The following SGO2 variants were observed in gnomAD, a reference collection of about 807,000 sequenced individuals.
SGO2 encodes the protein shugoshin 2, also known as shugoshin-like 2.
In SGO2, 68 loss-of-function variants were observed where a neutral mutation model predicts 99.5. That is an observed-to-expected ratio of 0.68 (90% CI 0.56 to 0.84). The LOEUF (loss-of-function observed/expected upper bound fraction) is 0.84, where lower values mean the gene tolerates loss of function less well. Among genes scored for constraint, SGO2 ranks in the 40% least tolerant of loss-of-function variants. SGO2 has a pLI of 0.00. For missense variants in SGO2, 1,350 were observed against 1,436.7 expected, an observed-to-expected ratio of 0.94 and a Z score of 0.97; for synonymous variants, 457 against 487.1, an observed-to-expected ratio of 0.94 and a Z score of 0.81.
intron 5 of SGO2, among the ~76,000 whole-genome samples, chr2:200,550,303 G>T (rs937295287): frequency 3.9e-5 from 6 of 152,060 alleles, no homozygotes; most frequent in African/African-American, 1.4e-4. Flanking sequence ...AATACAATTT[G>T]TATCAAAATA....
Position 200,541,759 on chromosome 2 carries a change from G to T in SGO2, c.388-820G>T, listed in dbSNP as rs528595743. ...CTGATGGTACTGCTGATTTGGAAGAGAGTTGTCTTATTATAGCCTGGTGAG... is the reference window on the plus strand; with the variant it reads ...CTGATGGTACTGCTGATTTGGAAGATAGTTGTCTTATTATAGCCTGGTGAG... On this transcript the variant is annotated intron_variant, in intron 4 of 8. Transcript: ENST00000357799. 3.3e-5 allele frequency among the ~76,000 whole-genome samples: 5 copies of T among 152,320 alleles called. No individual in the cohort carries two copies. The South Asian group carries it at 1.0e-3, about 32-fold the overall frequency.
rs1207158003 is a variant in SGO2, at chr2:200,571,976, G to C, written c.1630G>C (p.Glu544Gln). ...ACAGACATTTGTGATTCACAAATTA[G>C]AAAAAGATAACTTACTCCCAAACCA... is the stretch of plus-strand genomic sequence containing the variant. ...SRQTFVIHKL[E>Q]KDNLLPNQKD... The change falls in exon 7 of 9, where the codon GAA (glutamate) becomes CAA (glutamine). Residue 544 changes from glutamate to glutamine, a missense_variant. By Grantham distance (29) the Glu-to-Gln change is conservative (BLOSUM62 2). Transcript: ENST00000357799. 6.8e-6 allele frequency: 11 copies of C among 1,608,726 alleles called. No individual in the cohort carries two copies. The highest frequency in any genetic ancestry group is 8.5e-6 in the Non-Finnish European group (10 of 1,178,452).
rs186826096 is a variant in SGO2 at position 200,577,151 on chromosome 2, C to A, written c.3782+1690C>A. On this transcript the variant is annotated intron_variant, in intron 8 of 8. Transcript: ENST00000357799. ...CTGTACCATTTTACATGCTTACCAA[C>A]GATGATGATTTTTAAAAATTTCTCT... Among the ~76,000 whole-genome samples the A allele has an allele frequency of 2.8e-3, 419 of 151,954 alleles. 2 individuals carry two copies. The highest frequency in any genetic ancestry group is 9.5e-3 in the African/African-American group (395 of 41,414).
rs760370698 is a variant in SGO2, at chr2:200,569,770, C to G, written c.581C>G (p.Thr194Arg). The G allele has an allele frequency of 6.2e-6, 10 of 1,612,250 alleles. No homozygotes were observed. In the East Asian group the frequency reaches 1.1e-4, roughly 18 times the overall value. Reference protein sequence around the residue: ...TLPDIPSSGSTTQPLSTQDNS... With the variant: ...TLPDIPSSGSRTQPLSTQDNS... ...CCTGATATTCCCTCTTCAGGATCAA[C>G]AACACAACCTTTATCAACTCAGGAT... Residue 194 changes from threonine (T) to arginine (R), a missense_variant, in exon 6 of 9, where the codon ACA becomes AGA. Coordinates refer to ENST00000357799, the MANE Select transcript of SGO2 (RefSeq NM_152524.6).
At chr2:200,554,600 A>G (rs1317624509) in intron 5 of SGO2, among the ~76,000 whole-genome samples, 1 of 152,206 alleles carries the variant, frequency 6.6e-6, no homozygotes, top group Non-Finnish European at 1.5e-5. Context: ...TATGACACAC[A>G]ACAATTTTAC....
chr2:200,532,769 A>G (rs1474658995), intron 1 of SGO2, among the ~76,000 whole-genome samples: 1 of 152,174 alleles, frequency 6.6e-6, no homozygotes, highest in Non-Finnish European at 1.5e-5. Flanking sequence ...GTAGGCTTAA[A>G]TGAAAAAAAT....
chr2:200,538,766 G>C lies in SGO2; in HGVS notation c.387+2624G>C, dbSNP rs2031821749. 2.0e-5 allele frequency among the ~76,000 whole-genome samples: 3 copies of C among 152,104 alleles called. No homozygotes were observed. In the South Asian group the frequency reaches 6.2e-4, roughly 31 times the overall value. The stretch of plus-strand genomic sequence containing the variant: ...AATGTAAGTATCTTTTTAGTATGAT[G>C]ATGATGTGGTCTTTTTAGGTGGCTT... On this transcript the variant is annotated intron_variant, in intron 4 of 8. Transcript: ENST00000357799.
At chr2:200,548,874 T>G (rs2032349973) in intron 5 of SGO2, among the ~76,000 whole-genome samples, 1 of 152,186 alleles carries the variant, frequency 6.6e-6, no homozygotes, top group South Asian at 2.1e-4. Context: ...ACATATAACC[T>G]ACCAAGATTA....
In SGO2 at chr2:200,572,362, T is replaced by C; in HGVS notation, c.2016T>C (p.Leu672=). ...EVSKELQIPA[L]STRDNENQCD... ...CCAAAGAGCTTCAAATCCCAGCTCT[T>C]TCTACTAGAGATAATGAAAATCAAT... The change falls in exon 7 of 9, where the codon CTT becomes CTC. Residue 672 remains leucine (L), a synonymous_variant. Coordinates refer to ENST00000357799, the MANE Select transcript of SGO2 (RefSeq NM_152524.6). The C allele has an allele frequency of 6.2e-7, 1 of 1,612,786 alleles. No individual in the cohort carries two copies. Among genetic ancestry groups the C allele is most frequent in the South Asian group, 1.1e-5 (1 of 90,700 alleles).
At chr2:200,569,023 C>A (rs2033295378) in intron 5 of SGO2, among the ~76,000 whole-genome samples, 2 of 151,678 alleles carry the variant, frequency 1.3e-5, no homozygotes, top group Non-Finnish European at 2.9e-5. Context: ...TTTTATTTTT[C>A]TTATTATAAA....
rs2033904273 is a variant in SGO2 at position 200,583,533 on chromosome 2, CAAG to C, written c.*74_*76del. ...AGGAATCAAAACAGAAATATAGTAT[CAAG>C]AAGATGAAATGCTTAATGAAAAGGT... On this transcript the variant is annotated 3_prime_UTR_variant, in exon 9 of 9. Coordinates refer to ENST00000357799, the MANE Select transcript of SGO2 (RefSeq NM_152524.6). 2 of 1,377,366 alleles carry C rather than the reference CAAG, an allele frequency of 1.5e-6. No individual in the cohort carries two copies. The highest frequency in any genetic ancestry group is 2.3e-5 in the Admixed American group (1 of 43,488). The allele number at this position is 1,377,366 out of a possible 1,614,324, so 85.3% of individuals were successfully genotyped here.
chr2:200,573,241 C>A lies in SGO2; in HGVS notation c.2895C>A (p.Val965=). The A allele has an allele frequency of 6.3e-7, 1 of 1,590,492 alleles. No individual in the cohort carries two copies. Among genetic ancestry groups the A allele is most frequent in the South Asian group, 1.2e-5 (1 of 85,288 alleles). Residue 965 remains valine (V), a synonymous_variant, in exon 7 of 9, where the codon GTC becomes GTA. Transcript: ENST00000357799. ...QDIINKHYME[V]NSNEKESCDQ... is the part of the protein sequence containing the mutation. ...TTATCAATAAACACTATATGGAAGT[C>A]AACAGTAATGAAAAGGAAAGTTGTG...
chr2:200,536,003 T>G, intron 3 of SGO2, 62 bp from the exon 4 acceptor site: 1 of 1,065,378 alleles, frequency 9.4e-7, no homozygotes, highest in Non-Finnish European at 1.3e-6. Flanking sequence ...CATAAATGCC[T>G]GATATTATAA....
intron 1 of SGO2, among the ~76,000 whole-genome samples, chr2:200,527,590 C>T (rs1256274363): frequency 6.6e-6 from 1 of 152,200 alleles, no homozygotes; most frequent in Non-Finnish European, 1.5e-5. Context: ...TTGACACCTC[C>T]CAACATCTGC....
chr2:200,566,758 C>A (rs2033203616), intron 5 of SGO2, among the ~76,000 whole-genome samples: 3 of 152,222 alleles, frequency 2.0e-5, no homozygotes, highest in African/African-American at 7.2e-5. Context: ...CCTACTCAAG[C>A]CTCAGCAATG....
At chr2:200,548,888 C>T (rs1266698817) in intron 5 of SGO2, among the ~76,000 whole-genome samples, 4 of 151,996 alleles carry the variant, frequency 2.6e-5, no homozygotes, top group Admixed American at 2.0e-4. Flanking sequence ...AAGATTAAAC[C>T]ATAAAGAAAT....
intron 2 of SGO2, 105 bp downstream of exon 2, chr2:200,533,213 C>A: frequency 7.9e-7 from 1 of 1,265,346 alleles, no homozygotes. Flanking sequence ...ACTAAAATGA[C>A]CATTTTGTTA....
In SGO2 at chr2:200,572,380, A is replaced by G. The variant is rs1327440427; in HGVS notation, c.2034A>G (p.Glu678=). 6.2e-7 allele frequency: 1 copy of G among 1,613,456 alleles called. No individual in the cohort carries two copies. The highest frequency in any genetic ancestry group is 8.5e-7 in the Non-Finnish European group (1 of 1,179,588). The change falls in exon 7 of 9, where the codon GAA becomes GAG. Residue 678 remains glutamate (E), a synonymous_variant. Coordinates refer to ENST00000357799, the MANE Select transcript of SGO2 (RefSeq NM_152524.6). ...QIPALSTRDN[E]NQCDYRTQNV... The stretch of plus-strand genomic sequence containing the variant: ...CAGCTCTTTCTACTAGAGATAATGA[A>G]AATCAATGTGACTATAGGACCCAGA...
intron 5 of SGO2, among the ~76,000 whole-genome samples, chr2:200,548,283 C>T (rs1303895448): frequency 6.6e-6 from 1 of 151,664 alleles, no homozygotes; most frequent in Non-Finnish European, 1.5e-5. Context: ...GGTATCTTCA[C>T]AATGGAAGAA....
Sources: gnomAD v4.1 joint callset for allele counts (sites outside exome capture counted in the v4.1 genomes callset) on GRCh38, gnomAD v4.1.1 for gene constraint, MANE v1.5 for transcripts, NCBI Gene and HGNC (gene_info 2026-07-23, HGNC 2026-07-21) for gene names.